Variants in HSPA4L observed in about 807,000 individuals in gnomAD.
HSPA4L encodes the protein heat shock protein family A (Hsp70) member 4 like.
In HSPA4L, 48 loss-of-function variants were observed where a neutral mutation model predicts 100.3. The ratio of observed to expected loss-of-function variants is 0.48; its 90% CI spans 0.38 to 0.61. The LOEUF (loss-of-function observed/expected upper bound fraction) is 0.61, where lower values mean the gene tolerates loss of function less well. Among genes scored for constraint, HSPA4L ranks in the 20% least tolerant of loss-of-function variants. The pLI, the probability that HSPA4L is intolerant of heterozygous loss-of-function variation, is 0.00. For missense variants in HSPA4L, 886 were observed against 988.6 expected, an observed-to-expected ratio of 0.90 and a Z score of 1.39; for synonymous variants, 319 against 328.2, an observed-to-expected ratio of 0.97 and a Z score of 0.30.
intron 17 of HSPA4L, among the ~76,000 whole-genome samples, chr4:127,828,569 A>G (rs1734005373): frequency 6.6e-6 from 1 of 152,096 alleles, no homozygotes; most frequent in Admixed American, 6.5e-5. Flanking sequence ...ACTGCTTTCC[A>G]CTACACAAAA....
Position 127,827,404 on chromosome 4 carries a change from A to T in HSPA4L, c.2146A>T (p.Ile716Leu), listed in dbSNP as rs1479700870. The change falls in exon 17 of 19, where the codon ATA becomes TTA. Residue 716 changes from isoleucine (I) to leucine (L), a missense_variant. Transcript: ENST00000296464. ...AAAGATCCAACTTGTCATGAAAGTG[A>T]TAGAAGCTTATAGAAACAAGGTATT... ...GKKIQLVMKV[I>L]EAYRNKDERY... 1 of 1,613,790 alleles carries T rather than the reference A, an allele frequency of 6.2e-7. No individual in the cohort carries two copies. Among genetic ancestry groups the T allele is most frequent in the South Asian group, 1.1e-5 (1 of 91,064 alleles).
intron 16 of HSPA4L, among the ~76,000 whole-genome samples, chr4:127,827,044 TAA>T (rs1425471085): frequency 1.3e-5 from 2 of 152,174 alleles, no homozygotes; most frequent in African/African-American, 4.8e-5. Context: ...TTTAAGGAAT[TAA>T]AGTTTTGATT....
At chr4:127,793,885 A>G (rs1295873434) in intron 1 of HSPA4L, among the ~76,000 whole-genome samples, 192 bp from the exon 2 acceptor site, 1 of 152,172 alleles carries the variant, frequency 6.6e-6, no homozygotes, top group South Asian at 2.1e-4. Flanking sequence ...AAAAAATTGT[A>G]ACATTTATTC....
chr4:127,795,476 A>G (rs941958258), intron 2 of HSPA4L, among the ~76,000 whole-genome samples: 2 of 152,156 alleles, frequency 1.3e-5, no homozygotes, highest in South Asian at 4.1e-4. Flanking sequence ...TGAGTTGTAG[A>G]TATTTGTAAT....
chr4:127,795,784 G>T lies in HSPA4L; in HGVS notation c.182G>T (p.Arg61Ile), dbSNP rs867936873. Residue 61 changes from arginine (R) to isoleucine (I), a missense_variant, in exon 3 of 19, where the codon AGA (arginine) becomes ATA (isoleucine). Physicochemically the swap from Arg to Ile is moderately conservative, Grantham distance 97 (BLOSUM62 -3). Transcript: ENST00000296464. ...AAKSQIVTNV[R>I]NTIHGFKKLH... ...TGCCAACAGATAGTCACGAACGTAA[G>T]AAATACAATTCATGGCTTCAAAAAG... The T allele has an allele frequency of 1.2e-6, 2 of 1,613,516 alleles. No individual in the cohort carries two copies. Among genetic ancestry groups the T allele is most frequent in the African/African-American group, 2.7e-5 (2 of 75,040 alleles).
At position 127,805,772 on chromosome 4, in the gene HSPA4L, C is replaced by A; in HGVS notation, c.1223C>A (p.Thr408Asn). 6.2e-7 allele frequency: 1 copy of A among 1,608,718 alleles called. No individual in the cohort carries two copies. Among genetic ancestry groups the A allele is most frequent in the Non-Finnish European group, 8.5e-7 (1 of 1,176,272 alleles). Reference protein sequence around the residue: ...VPYSITLRWKTSFEDGSGECE... With the variant: ...VPYSITLRWKNSFEDGSGECE... ...TATTCAATCACATTAAGGTGGAAGA[C>A]CTCTTTTGAAGATGGAAGTGGGTAA... Residue 408 changes from threonine to asparagine, a missense_variant, in exon 10 of 19, where the codon ACC becomes AAC. Physicochemically the swap from Thr to Asn is moderately conservative, Grantham distance 65. Transcript: ENST00000296464.
rs1734317893 is a variant in HSPA4L at position 127,839,686 on chromosome 4, C to T, written c.*6812C>T. ...CCAACCTGGGGGTAACAGAGCGAGA[C>T]TCTGTCTCAAAAAAAAAAAAAAGTG... On this transcript the variant is annotated 3_prime_UTR_variant, in exon 19 of 19. Transcript: ENST00000296464. The T allele has an allele frequency of 6.7e-6, 1 of 148,938 alleles. No homozygotes were observed. Among genetic ancestry groups the T allele is most frequent in the Non-Finnish European group, 1.5e-5 (1 of 67,540 alleles). The allele number at this position is 148,938 out of a possible 1,614,324, so 9.2% of individuals were successfully genotyped here.
chr4:127,794,721 T>C (rs1311686303), intron 2 of HSPA4L, among the ~76,000 whole-genome samples: 2 of 152,104 alleles, frequency 1.3e-5, no homozygotes, highest in African/African-American at 4.8e-5. Context: ...CTGGGTCTTA[T>C]ATCTCATATT....
At chr4:127,831,302 AC>A (rs1032783184) in intron 18 of HSPA4L, among the ~76,000 whole-genome samples, 3 of 152,048 alleles carry the variant, frequency 2.0e-5, no homozygotes, top group Admixed American at 6.6e-5. Flanking sequence ...GGAGTTCGAG[AC>A]CAGCATAAAC....
At chr4:127,789,647 C>A (rs1418209645) in intron 1 of HSPA4L, among the ~76,000 whole-genome samples, 23 of 145,946 alleles carry the variant, frequency 1.6e-4, no homozygotes, top group Non-Finnish European at 1.5e-4. Flanking sequence ...GATTCTGTCT[C>A]AAAAAAAAAA....
intron 10 of HSPA4L, among the ~76,000 whole-genome samples, chr4:127,806,039 A>C (rs1158847870): frequency 6.6e-6 from 1 of 152,020 alleles, no homozygotes; most frequent in Non-Finnish European, 1.5e-5. Flanking sequence ...GAAGTATAAA[A>C]AAGACCTGCA....
chr4:127,820,730 G>A (rs1353113983), intron 14 of HSPA4L, among the ~76,000 whole-genome samples, 165 bp downstream of exon 14: 1 of 152,066 alleles, frequency 6.6e-6, no homozygotes, highest in Non-Finnish European at 1.5e-5. Flanking sequence ...CTGTTTTAAT[G>A]CCATATGTAC....
rs1430321643 is a variant in HSPA4L at position 127,832,816 on chromosome 4, A to G, written c.2462A>G (p.Asp821Gly). 1.9e-6 allele frequency: 3 copies of G among 1,613,586 alleles called. No homozygotes were observed. The highest frequency in any genetic ancestry group is 2.2e-5 in the East Asian group (1 of 44,862). ...DGQSGTETKS[D>G]STKDSSQHTK... The stretch of plus-strand genomic sequence containing the variant: ...CAGAGTGGAACTGAAACTAAATCAG[A>G]TTCAACAAAAGACAGCTCACAGCAT... The change falls in exon 19 of 19, where the codon GAT becomes GGT. Residue 821 changes from aspartate (D) to glycine (G), a missense_variant. Physicochemically the swap from Asp to Gly is moderately conservative, Grantham distance 94. Coordinates refer to ENST00000296464, the MANE Select transcript of HSPA4L (RefSeq NM_014278.4).
chr4:127,829,205 A>G (rs1217719190), intron 17 of HSPA4L, among the ~76,000 whole-genome samples: 6 of 152,154 alleles, frequency 3.9e-5, no homozygotes, highest in Non-Finnish European at 8.8e-5. Context: ...GACAAAGAAT[A>G]GCAGTTGCAA....
intron 11 of HSPA4L, among the ~76,000 whole-genome samples, chr4:127,810,079 T>C (rs1299128356): frequency 6.6e-6 from 1 of 152,172 alleles, no homozygotes; most frequent in Non-Finnish European, 1.5e-5. Context: ...AAACATCTTC[T>C]ATAAACCATC....
chr4:127,789,278 TG>T lies in HSPA4L; in HGVS notation c.108-4797del, dbSNP rs529901680. 4.3e-3 allele frequency among the ~76,000 whole-genome samples: 659 copies of T among 152,346 alleles called. 9 individuals carry two copies. Among genetic ancestry groups the T allele is most frequent in the African/African-American group, 0.015 (630 of 41,584 alleles). On this transcript the variant is annotated intron_variant, in intron 1 of 18. Transcript: ENST00000296464. Reference sequence around the variant, plus strand: ...GAAATCTTCATTGTTTAGAATTTTGTGGTATTTTCTGATAGTCTGAGATTAC... The same window carrying T: ...GAAATCTTCATTGTTTAGAATTTTGTGTATTTTCTGATAGTCTGAGATTAC...
intron 1 of HSPA4L, among the ~76,000 whole-genome samples, chr4:127,783,265 C>G (rs1443764101): frequency 1.3e-5 from 2 of 151,624 alleles, no homozygotes; most frequent in Admixed American, 6.6e-5. Context: ...GTAATGGAGC[C>G]GGTTTACAGG....
intron 1 of HSPA4L, among the ~76,000 whole-genome samples, chr4:127,784,593 A>G (rs757746126): frequency 1.3e-5 from 2 of 152,260 alleles, no homozygotes; most frequent in Non-Finnish European, 2.9e-5. Context: ...CTTAGCTTGC[A>G]TCAGCAACTC....
chr4:127,795,258 T>C (rs1042867329), intron 2 of HSPA4L, among the ~76,000 whole-genome samples: 1 of 152,152 alleles, frequency 6.6e-6, no homozygotes, highest in Non-Finnish European at 1.5e-5. Context: ...GATTCTGTAT[T>C]TTTTCAGATT....
Sources: allele counts gnomAD v4.1 joint callset (sites outside exome capture counted in the v4.1 genomes callset), GRCh38; gene constraint gnomAD v4.1.1; transcripts MANE v1.5; gene names NCBI Gene and HGNC (gene_info 2026-07-23, HGNC 2026-07-21).